PRKG1: variants seen among roughly 807,000 people sequenced by gnomAD.
PRKG1 encodes protein kinase cGMP-dependent 1.
PRKG1 carries 35 observed loss-of-function variants against 88.1 expected under a neutral mutation model. That is an observed-to-expected ratio of 0.40 (90% CI 0.30 to 0.53). The LOEUF (loss-of-function observed/expected upper bound fraction) is 0.53. Ranked by LOEUF, PRKG1 falls within the 20% of genes least tolerant of loss-of-function variation. The probability of loss-of-function intolerance (pLI) is 0.59; values close to 1 mark genes in which losing one functional copy is unlikely to be tolerated. For missense variants in PRKG1, 540 were observed against 839.8 expected (o/e 0.64, Z 4.41); for synonymous variants, 303 against 292.5 (o/e 1.04, Z -0.37).
chr10:51,903,050 C>A (rs1842014196), intron 4 of PRKG1, among the ~76,000 whole-genome samples: 1 of 151,950 alleles, frequency 6.6e-6, no homozygotes, highest in Non-Finnish European at 1.5e-5. Context: ...CCTAGGTTTT[C>A]CCCCTCTTAG....
intron 5 of PRKG1, among the ~76,000 whole-genome samples, chr10:52,038,581 C>T (rs1010037036): frequency 1.3e-5 from 2 of 151,988 alleles, no homozygotes; most frequent in African/African-American, 4.8e-5. Flanking sequence ...GGGGTACTTG[C>T]CCCTCCCCCA....
intron 9 of PRKG1, among the ~76,000 whole-genome samples, chr10:52,215,168 G>T (rs1166320342): frequency 1.3e-5 from 2 of 152,102 alleles, no homozygotes; most frequent in Non-Finnish European, 2.9e-5. Context: ...GTGGAGGCAG[G>T]CAGATCACCT....
chr10:51,374,083 A>G (rs1005097390), intron 2 of PRKG1, among the ~76,000 whole-genome samples: 164 of 42,594 alleles, frequency 3.9e-3, no homozygotes, highest in Non-Finnish European at 7.5e-3. Context: ...CAGAGGTTGC[A>G]AAAAAAAAAA....
At chr10:51,484,515 G>A (rs1215458072) in intron 3 of PRKG1, among the ~76,000 whole-genome samples, 1 of 152,118 alleles carries the variant, frequency 6.6e-6, no homozygotes, top group Non-Finnish European at 1.5e-5. Context: ...AGGCTCAAGC[G>A]ATCCACTTGC....
At chr10:51,085,572 A>T (rs1419523414) in intron 1 of PRKG1, among the ~76,000 whole-genome samples, 1 of 152,082 alleles carries the variant, frequency 6.6e-6, no homozygotes, top group Non-Finnish European at 1.5e-5. Context: ...AGCTTAGAAA[A>T]GTACGCCCAA....
At chr10:51,414,753 ATCCTT>A (rs1453751370) in intron 2 of PRKG1, among the ~76,000 whole-genome samples, 1 of 152,194 alleles carries the variant, frequency 6.6e-6, no homozygotes, top group Admixed American at 6.5e-5. Flanking sequence ...CATTTACAAC[ATCCTT>A]TCAAGATTTT....
chr10:52,222,667 G>A (rs2132336008), intron 9 of PRKG1, among the ~76,000 whole-genome samples: 1 of 152,278 alleles, frequency 6.6e-6, no homozygotes, highest in East Asian at 1.9e-4. Context: ...TTAGTAAATT[G>A]TCTGTGACTC....
intron 1 of PRKG1, among the ~76,000 whole-genome samples, chr10:51,116,554 A>G (rs1362208274): frequency 1.3e-5 from 2 of 152,248 alleles, no homozygotes; most frequent in Non-Finnish European, 2.9e-5. Context: ...TGATGCAAAC[A>G]GAATACAGAA....
At chr10:51,005,591 A>G (rs1295327889) in intron 1 of PRKG1, among the ~76,000 whole-genome samples, 1 of 152,242 alleles carries the variant, frequency 6.6e-6, no homozygotes, top group African/African-American at 2.4e-5. Flanking sequence ...TGGTTTGCAG[A>G]TCACAAAATG....
At chr10:51,912,127 T>C (rs1315023633) in intron 5 of PRKG1, among the ~76,000 whole-genome samples, 1 of 152,210 alleles carries the variant, frequency 6.6e-6, no homozygotes, top group Non-Finnish European at 1.5e-5. Context: ...AATGAACGTA[T>C]GGGGAGCCAT....
intron 2 of PRKG1, among the ~76,000 whole-genome samples, chr10:51,423,135 A>T (rs777304412): frequency 2.6e-5 from 4 of 152,184 alleles, no homozygotes; most frequent in Non-Finnish European, 5.9e-5. Context: ...ATATTTCTCT[A>T]TTCAAATCAA....
chr10:51,328,324 G>A (rs1185035753), intron 2 of PRKG1, among the ~76,000 whole-genome samples: 1 of 152,122 alleles, frequency 6.6e-6, no homozygotes, highest in African/African-American at 2.4e-5. Context: ...TTTTTAGAAG[G>A]TTGAATAGTA....
intron 1 of PRKG1, among the ~76,000 whole-genome samples, chr10:51,012,749 C>CA (rs1564570187): frequency 6.6e-6 from 1 of 152,000 alleles, no homozygotes; most frequent in Non-Finnish European, 1.5e-5. Flanking sequence ...AATAAAAAGA[C>CA]AAAAAAGTCA....
chr10:51,337,115 CA>C (rs1304645601), intron 2 of PRKG1, among the ~76,000 whole-genome samples: 4 of 152,182 alleles, frequency 2.6e-5, no homozygotes, highest in Non-Finnish European at 5.9e-5. Flanking sequence ...CACTCCTCTA[CA>C]ACCATCCAAT....
intron 1 of PRKG1, among the ~76,000 whole-genome samples, chr10:51,108,380 T>TAA (rs879533291): frequency 9.3e-4 from 136 of 145,614 alleles, no homozygotes; most frequent in African/African-American, 3.2e-3. Flanking sequence ...CTAACAAAAT[T>TAA]AAAAAAAAAA....
At chr10:51,022,277 G>C (rs1307432030) in intron 1 of PRKG1, among the ~76,000 whole-genome samples, 1 of 152,146 alleles carries the variant, frequency 6.6e-6, no homozygotes, top group Non-Finnish European at 1.5e-5. Flanking sequence ...TGTTGGATCA[G>C]CTGTTTCTAA....
At chr10:51,790,319 C>T (rs1489948313) in intron 3 of PRKG1, among the ~76,000 whole-genome samples, 1 of 152,032 alleles carries the variant, frequency 6.6e-6, no homozygotes, top group Non-Finnish European at 1.5e-5. Context: ...TTCTCTGTTT[C>T]CTATGTACTT....
intron 3 of PRKG1, among the ~76,000 whole-genome samples, chr10:51,533,398 A>T (rs1589052154): frequency 6.6e-6 from 1 of 152,210 alleles, no homozygotes; most frequent in African/African-American, 2.4e-5. Context: ...AAAATCTCAC[A>T]TAAAACTAGA....
chr10:52,168,916 T>G (rs967848985), intron 9 of PRKG1, among the ~76,000 whole-genome samples: 1 of 152,142 alleles, frequency 6.6e-6, no homozygotes. Flanking sequence ...ACTGATTTTT[T>G]GACAGTTTAA....
Sources: gnomAD v4.1 joint callset for allele counts (sites outside exome capture counted in the v4.1 genomes callset) on GRCh38, gnomAD v4.1.1 for gene constraint, MANE v1.5 for transcripts, NCBI Gene and HGNC (gene_info 2026-07-23, HGNC 2026-07-21) for gene names.